Variants in PTK2B observed in about 807,000 individuals in gnomAD.
The protein encoded by PTK2B is protein tyrosine kinase 2 beta, also known as protein-tyrosine kinase 2-beta.
PTK2B carries 71 observed loss-of-function variants against 142.9 expected under a neutral mutation model. The ratio of observed to expected loss-of-function variants is 0.50; its 90% confidence interval spans 0.41 to 0.61. The LOEUF is 0.61. Among genes scored for constraint, PTK2B ranks in the 20% least tolerant of loss-of-function variants. PTK2B has a pLI of 0.00. For synonymous variants in PTK2B, 519 were observed against 503.4 expected (o/e 1.03, Z -0.42); for missense variants, 1,105 against 1,320.4 (o/e 0.84, Z 2.53).
intron 1 of PTK2B, among the ~76,000 whole-genome samples, chr8:27,349,575 C>T (rs909702233): frequency 6.6e-6 from 1 of 152,212 alleles, no homozygotes; most frequent in African/African-American, 2.4e-5. Context: ...TCCTGGGCCC[C>T]ACCCCCAACA....
chr8:27,427,550 T>C (rs1239298750), intron 5 of PTK2B, among the ~76,000 whole-genome samples: 2 of 152,168 alleles, frequency 1.3e-5, no homozygotes, highest in African/African-American at 4.8e-5. Context: ...CTGTTAGAAT[T>C]AAATAGTTGT....
chr8:27,324,658 G>A (rs1803313064), upstream of PTK2B, among the ~76,000 whole-genome samples: 2 of 152,162 alleles, frequency 1.3e-5, no homozygotes, highest in Non-Finnish European at 2.9e-5. Flanking sequence ...TGTGCAACAG[G>A]GCAGCTCTGG....
At chr8:27,400,013 T>G (rs1465236913) in intron 2 of PTK2B, among the ~76,000 whole-genome samples, 2 of 152,206 alleles carry the variant, frequency 1.3e-5, no homozygotes, top group East Asian at 1.9e-4. Context: ...ATTACCCAGC[T>G]CAGGAATCTC....
At chr8:27,346,017 C>T (rs926219953) in intron 1 of PTK2B, among the ~76,000 whole-genome samples, 1 of 152,114 alleles carries the variant, frequency 6.6e-6, no homozygotes, top group South Asian at 2.1e-4. Context: ...CATGTCTCAC[C>T]CCTCTGCCAG....
chr8:27,390,223 A>G (rs1478616879), intron 1 of PTK2B, among the ~76,000 whole-genome samples: 1 of 152,184 alleles, frequency 6.6e-6, no homozygotes, highest in Non-Finnish European at 1.5e-5. Flanking sequence ...GGGCAGGTGC[A>G]TGGAGGAAGG....
At chr8:27,373,406 C>G (rs1461954762) in intron 1 of PTK2B, among the ~76,000 whole-genome samples, 1 of 152,190 alleles carries the variant, frequency 6.6e-6, no homozygotes, top group Non-Finnish European at 1.5e-5. Context: ...TGGGAAAACT[C>G]TTCCCCCTCC....
At chr8:27,353,803 C>T (rs1306117331) in intron 1 of PTK2B, among the ~76,000 whole-genome samples, 2 of 152,142 alleles carry the variant, frequency 1.3e-5, no homozygotes, top group East Asian at 3.9e-4. Context: ...AGATATTTCC[C>T]AAGAGCAGGG....
At chr8:27,453,312 G>A (rs1811938152) in intron 28 of PTK2B, 152 bp downstream of exon 28, 8 of 997,292 alleles carry the variant, frequency 8.0e-6, no homozygotes, top group African/African-American at 1.6e-5. Flanking sequence ...GGCGGGTGGC[G>A]GGGTGCCTTG....
chr8:27,379,931 G>T (rs774056740), intron 1 of PTK2B, among the ~76,000 whole-genome samples: 1 of 152,158 alleles, frequency 6.6e-6, no homozygotes, highest in African/African-American at 2.4e-5. Context: ...TAGTAGAGAC[G>T]GGGTTTCACC....
chr8:27,412,037 G>A (rs1367463980), intron 2 of PTK2B, among the ~76,000 whole-genome samples: 1 of 152,172 alleles, frequency 6.6e-6, no homozygotes, highest in Non-Finnish European at 1.5e-5. Context: ...CCCCAAACAG[G>A]AAGGTTTCAT....
In PTK2B at chr8:27,454,306, G is replaced by A. The variant is rs781524974; in HGVS notation, c.2733+15G>A. ...TGGTGGTGAAGGTGAGAGCAGGGCT[G>A]GGTTGGGGAGGTGGAGGCGGCTCAA... On this transcript the variant is annotated intron_variant, in intron 29 of 30. Coordinates refer to ENST00000346049, the MANE Select transcript of PTK2B (RefSeq NM_173176.3). 3 of 1,607,352 alleles carry A rather than the reference G, an allele frequency of 1.9e-6. No individual in the cohort carries two copies. Among genetic ancestry groups the A allele is most frequent in the Admixed American group, 3.4e-5 (2 of 58,788 alleles).
At chr8:27,339,945 T>A (rs1355728061) in intron 1 of PTK2B, among the ~76,000 whole-genome samples, 1 of 152,250 alleles carries the variant, frequency 6.6e-6, no homozygotes, top group East Asian at 1.9e-4. Flanking sequence ...TGCCTGTCGG[T>A]CAGGACGGAG....
At chr8:27,380,706 A>G (rs1806960850) in intron 1 of PTK2B, 1 of 152,154 alleles carries the variant, frequency 6.6e-6, no homozygotes, top group South Asian at 2.1e-4. Flanking sequence ...CGTGGCACCA[A>G]ATGTTTGCCG....
rs1805865224 is a variant in PTK2B, at chr8:27,363,934, C to T, written c.-37-33614C>T. Among the ~76,000 whole-genome samples, 1 of 152,104 alleles carries T rather than the reference C, an allele frequency of 6.6e-6. No homozygotes were observed. Among genetic ancestry groups the T allele is most frequent in the African/African-American group, 2.4e-5 (1 of 41,420 alleles). The stretch of plus-strand genomic sequence containing the variant: ...TGCAGGGCTAAGATTAGACTAGGGC[C>T]CGGCCGCCTGTCTTGACACATGCGC... On this transcript the variant is annotated intron_variant, in intron 1 of 30. Transcript: ENST00000346049. This position sits in a 1 kb window ranked among gnomAD's most constrained non-coding sequence, Gnocchi z 4.3.
chr8:27,342,044 T>C lies in PTK2B; in HGVS notation c.-38+16363T>C, dbSNP rs536578845. 1.5e-3 allele frequency among the ~76,000 whole-genome samples: 223 copies of C among 152,218 alleles called. 1 individual carries two copies. The highest frequency in any genetic ancestry group is 5.0e-3 in the African/African-American group (209 of 41,530). On this transcript the variant is annotated intron_variant, in intron 1 of 30. Transcript: ENST00000346049. ...ACAGTGCATCTGGGGAGAGCAAGAA[T>C]TGTACTTCCCACAGGGTTGCAAGTG... is the stretch of plus-strand genomic sequence containing the variant.
intron 30 of PTK2B, among the ~76,000 whole-genome samples, chr8:27,457,930 G>A (rs4448225): frequency 0.85 from 127,108 of 148,980 alleles, 54,486 homozygotes; most frequent in Middle Eastern, 0.94. Flanking sequence ...AGTTGAAATT[G>A]CACCACTGCA....
intron 9 of PTK2B, 65 bp downstream of exon 9, chr8:27,431,537 C>A: frequency 1.3e-6 from 2 of 1,590,658 alleles, no homozygotes; most frequent in Non-Finnish European, 1.7e-6. Context: ...TCTGCTGCCT[C>A]CCGCCCTGTC....
At chr8:27,451,787 GCTGGAAATTCT>G in intron 27 of PTK2B, 2 of 1,309,320 alleles carry the variant, frequency 1.5e-6, no homozygotes, top group Non-Finnish European at 1.9e-6. Flanking sequence ...GTTTGGAGGA[GCTGGAAATTCT>G]CTCTTCCTCA....
At chr8:27,415,151 C>A (rs1374236203) in intron 2 of PTK2B, among the ~76,000 whole-genome samples, 12 of 152,038 alleles carry the variant, frequency 7.9e-5, no homozygotes, top group African/African-American at 2.7e-4. Context: ...TAATTTAATC[C>A]TCATAAAAGC....
Sources: gnomAD v4.1 joint callset for allele counts (sites outside exome capture counted in the v4.1 genomes callset) on GRCh38, gnomAD v4.1.1 for gene constraint, Gnocchi (gnomAD v3.1) non-coding constraint, MANE v1.5 for transcripts, NCBI Gene and HGNC (gene_info 2026-07-23, HGNC 2026-07-21) for gene names.